RBMS3: variants seen among roughly 807,000 people sequenced by gnomAD.
RBMS3 encodes the protein RNA binding motif single stranded interacting protein 3, also known as RNA-binding motif, single-stranded-interacting protein 3.
Under a neutral mutation model 66.8 loss-of-function variants are expected in RBMS3, and 27 were observed. That is an observed-to-expected ratio of 0.40 (90% CI 0.30 to 0.56). RBMS3 has a LOEUF of 0.56. Ranked by LOEUF, RBMS3 falls within the 20% of genes least tolerant of loss-of-function variation. RBMS3 has a pLI of 0.40. For missense variants in RBMS3, 513 were observed against 549.5 expected, an observed-to-expected ratio of 0.93 and a Z score of 0.66; for synonymous variants, 188 against 183.0, an observed-to-expected ratio of 1.03 and a Z score of -0.22.
At chr3:29,737,102 G>A (rs993730008) in intron 4 of RBMS3, among the ~76,000 whole-genome samples, 2 of 151,620 alleles carry the variant, frequency 1.3e-5, no homozygotes, top group African/African-American at 2.4e-5. Context: ...TCAGCCTCCC[G>A]AGTAGCTGGG....
rs1699912672 is a variant in RBMS3 at position 30,009,863 on chromosome 3, C to T, written c.*6001C>T. 3 of 151,990 alleles carry T rather than the reference C, an allele frequency of 2.0e-5. No individual in the cohort carries two copies. The allele number at this position is 151,990 out of a possible 1,614,324, so 9.4% of individuals were successfully genotyped here. ...TTGAGAAAGATGTTTTTTCCTCCTC[C>T]CTCAAATATGTTATCTCTTCATATA... On this transcript the variant is annotated 3_prime_UTR_variant, in exon 15 of 15. Coordinates refer to ENST00000383767, the MANE Select transcript of RBMS3 (RefSeq NM_001003793.3).
chr3:29,964,536 T>A (rs550882373), intron 12 of RBMS3, among the ~76,000 whole-genome samples: 1 of 152,174 alleles, frequency 6.6e-6, no homozygotes, highest in Admixed American at 6.5e-5. Flanking sequence ...CTAAAAACTT[T>A]CTTTTTCTGA....
intron 4 of RBMS3, among the ~76,000 whole-genome samples, chr3:29,597,488 G>C (rs2047986129): frequency 6.6e-6 from 1 of 152,104 alleles, no homozygotes; most frequent in African/African-American, 2.4e-5. Flanking sequence ...AAAGAAGGCA[G>C]CATACTCAGT....
At position 29,923,847 on chromosome 3, in the gene RBMS3, G is replaced by C. The variant is rs141531879; in HGVS notation, c.940-12239G>C. On this transcript the variant is annotated intron_variant, in intron 10 of 14. Transcript: ENST00000383767. Reference sequence around the variant, plus strand: ...ATATTTCAAATGTGAATACCAATTAGTAGACATAAAGTCCTATTTGTTCCT... The same window carrying C: ...ATATTTCAAATGTGAATACCAATTACTAGACATAAAGTCCTATTTGTTCCT... Among the ~76,000 whole-genome samples, 907 of 152,096 alleles carry C rather than the reference G, an allele frequency of 6.0e-3. 8 individuals carry two copies. The highest frequency in any genetic ancestry group is 0.021 in the African/African-American group (871 of 41,490).
intron 6 of RBMS3, among the ~76,000 whole-genome samples, chr3:29,796,027 A>G (rs1454725119): frequency 1.3e-5 from 2 of 152,232 alleles, no homozygotes; most frequent in African/African-American, 4.8e-5. Context: ...AGGATACCTC[A>G]GAGGTATTGT....
chr3:29,689,917 CAAAAAAAAAAAAAAAAAAAAAAAAA>C (rs66580293), intron 4 of RBMS3, among the ~76,000 whole-genome samples: 7 of 27,736 alleles, frequency 2.5e-4, no homozygotes, highest in East Asian at 2.1e-3. Context: ...CTATCTCTAC[CAAAAAAAAAAAAAAAAAAAAAAAAA>C]AAAAAAAAAA....
intron 12 of RBMS3, among the ~76,000 whole-genome samples, chr3:29,984,336 T>A (rs1032454394): frequency 6.6e-6 from 1 of 152,026 alleles, no homozygotes. Context: ...GTTTCTTAGC[T>A]TCCTTTCATT....
chr3:29,597,740 T>A (rs995075535), intron 4 of RBMS3, among the ~76,000 whole-genome samples: 1 of 152,086 alleles, frequency 6.6e-6, no homozygotes, highest in Non-Finnish European at 1.5e-5. Context: ...TGAAATGGAT[T>A]TTTTTTTCAC....
intron 11 of RBMS3, among the ~76,000 whole-genome samples, chr3:29,938,596 C>G (rs1407638092): frequency 2.6e-5 from 4 of 151,962 alleles, no homozygotes; most frequent in Non-Finnish European, 5.9e-5. Context: ...GACTGTCACT[C>G]TAATTCTTCG....
intron 6 of RBMS3, among the ~76,000 whole-genome samples, chr3:29,857,101 T>C (rs1361481603): frequency 1.3e-5 from 2 of 152,214 alleles, no homozygotes; most frequent in African/African-American, 4.8e-5. Context: ...CATACCTGCA[T>C]TGTAACATAG....
chr3:29,739,987 A>T, intron 5 of RBMS3, 110 bp downstream of exon 5: 2 of 967,926 alleles, frequency 2.1e-6, no homozygotes, highest in Non-Finnish European at 2.8e-6. Flanking sequence ...AAAAAAAAAA[A>T]AAATTAAAAG....
chr3:29,646,351 G>C (rs909824404), intron 4 of RBMS3, among the ~76,000 whole-genome samples: 3 of 152,174 alleles, frequency 2.0e-5, no homozygotes, highest in Non-Finnish European at 4.4e-5. Flanking sequence ...ACAATTTCAG[G>C]TTCAATACTA....
chr3:29,592,177 T>G (rs9845545), intron 4 of RBMS3, among the ~76,000 whole-genome samples: 22,614 of 151,396 alleles, frequency 0.15, 1,941 homozygotes, highest in East Asian at 0.32. Flanking sequence ...AAGAAAATAT[T>G]TTAAATTCAA....
At chr3:29,710,356 C>T (rs1174992501) in intron 4 of RBMS3, among the ~76,000 whole-genome samples, 1 of 152,082 alleles carries the variant, frequency 6.6e-6, no homozygotes, top group Non-Finnish European at 1.5e-5. Context: ...AACTTCATTG[C>T]ATATATTCTC....
At chr3:29,646,534 C>A (rs1010224746) in intron 4 of RBMS3, among the ~76,000 whole-genome samples, 1 of 152,100 alleles carries the variant, frequency 6.6e-6, no homozygotes, top group African/African-American at 2.4e-5. Flanking sequence ...TGTTTCACTA[C>A]CGTTAATATG....
At chr3:29,953,285 G>A (rs1695803631) in intron 12 of RBMS3, among the ~76,000 whole-genome samples, 1 of 151,854 alleles carries the variant, frequency 6.6e-6, no homozygotes, top group African/African-American at 2.4e-5. Flanking sequence ...CAAAGATGCA[G>A]CCGTCATTAA....
At chr3:29,899,807 C>A (rs773317605) in intron 10 of RBMS3, 52 bp downstream of exon 10, 9 of 1,551,174 alleles carry the variant, frequency 5.8e-6, no homozygotes, top group Admixed American at 1.7e-5. Flanking sequence ...CAAGTACAAG[C>A]TTTTGGAATG....
chr3:29,670,969 C>A (rs1411058792), intron 4 of RBMS3, among the ~76,000 whole-genome samples: 1 of 152,232 alleles, frequency 6.6e-6, no homozygotes, highest in African/African-American at 2.4e-5. Context: ...AGACCCTGAC[C>A]CCCAAGTAGC....
chr3:29,481,996 C>G (rs1299336900), intron 2 of RBMS3, among the ~76,000 whole-genome samples: 3 of 152,098 alleles, frequency 2.0e-5, no homozygotes, highest in Non-Finnish European at 4.4e-5. Context: ...GGAACAGGTG[C>G]TGAGGGGTTG....
Sources: gnomAD v4.1 joint callset for allele counts (sites outside exome capture counted in the v4.1 genomes callset) on GRCh38, gnomAD v4.1.1 for gene constraint, MANE v1.5 for transcripts, NCBI Gene and HGNC (gene_info 2026-07-23, HGNC 2026-07-21) for gene names.